EFCAB5: variants seen among roughly 807,000 people sequenced by gnomAD.
The protein encoded by EFCAB5 is EF-hand calcium binding domain 5.
Under a neutral mutation model 167.9 loss-of-function variants are expected in EFCAB5, and 131 were observed. That is an observed-to-expected ratio of 0.78 (90% CI 0.68 to 0.90). The LOEUF (loss-of-function observed/expected upper bound fraction) is 0.90, where lower values mean the gene tolerates loss of function less well. Among genes scored for constraint, EFCAB5 ranks in the 40% least tolerant of loss-of-function variants. The pLI is 0.00. For synonymous variants in EFCAB5, 574 were observed against 602.8 expected, an observed-to-expected ratio of 0.95 and a Z score of 0.70; for missense variants, 1,663 against 1,745.2, an observed-to-expected ratio of 0.95 and a Z score of 0.84.
In EFCAB5 at chr17:30,049,119, C is replaced by T. The variant is rs116724932; in HGVS notation, c.1201-1999C>T. ...ATTGGACTTGATGAGCTGAAAGCAG[C>T]ATTAGATACCTTGGTAAAGTAGCAT... On this transcript the variant is annotated intron_variant, in intron 8 of 22. Transcript: ENST00000394835. 6.3e-3 allele frequency among the ~76,000 whole-genome samples: 964 copies of T among 152,168 alleles called. 5 individuals are homozygous for T. Among genetic ancestry groups the T allele is most frequent in the African/African-American group, 0.022 (925 of 41,488 alleles).
At chr17:30,031,925 G>A (rs1394007054) in intron 7 of EFCAB5, 1 of 151,984 alleles carries the variant, frequency 6.6e-6, no homozygotes, top group Admixed American at 6.6e-5. Flanking sequence ...AGCAACTCAG[G>A]AGGCTGAGGT....
In EFCAB5 at chr17:29,965,599, C is replaced by T. The variant is rs531954124; in HGVS notation, c.191-3192C>T. On this transcript the variant is annotated intron_variant, in intron 3 of 22. Transcript: ENST00000394835. ...GTAAGGTAGGCATCCAGATTCATCC[C>T]TTTGCATGTAGATATCAGTTGTCAT... Among the ~76,000 whole-genome samples, 3 of 152,272 alleles carry T rather than the reference C, an allele frequency of 2.0e-5. No individual in the cohort carries two copies. The South Asian group carries it at 6.2e-4, about 32-fold the overall frequency.
chr17:30,075,715 C>G (rs556519861), intron 14 of EFCAB5, among the ~76,000 whole-genome samples: 1 of 152,176 alleles, frequency 6.6e-6, no homozygotes, highest in Non-Finnish European at 1.5e-5. Context: ...ACATGGATAC[C>G]CTCCTCGCTC....
At chr17:30,103,325 G>A (rs1201455422) in intron 22 of EFCAB5, among the ~76,000 whole-genome samples, 2 of 151,536 alleles carry the variant, frequency 1.3e-5, no homozygotes, top group Admixed American at 1.3e-4. Context: ...TATGAATTTT[G>A]TAAATATAAT....
intron 1 of EFCAB5, among the ~76,000 whole-genome samples, chr17:29,933,448 TGA>T (rs1306736228): frequency 6.6e-6 from 1 of 152,176 alleles, no homozygotes; most frequent in Non-Finnish European, 1.5e-5. Flanking sequence ...TCTGGTGAAC[TGA>T]GAGAGGAGAT....
At chr17:29,987,426 AAGTT>A (rs556528116) in intron 4 of EFCAB5, among the ~76,000 whole-genome samples, 51 of 152,210 alleles carry the variant, frequency 3.4e-4, no homozygotes, top group Non-Finnish European at 5.0e-4. Flanking sequence ...CCTCTACCCC[AAGTT>A]ATTATTTTAC....
At chr17:29,990,943 G>A (rs576721507) in intron 4 of EFCAB5, among the ~76,000 whole-genome samples, 2 of 152,302 alleles carry the variant, frequency 1.3e-5, no homozygotes, top group East Asian at 3.9e-4. Context: ...AGGGGGTGCA[G>A]AAGGGTAGGG....
At chr17:29,986,797 G>A (rs1054275631) in intron 4 of EFCAB5, among the ~76,000 whole-genome samples, 1 of 151,708 alleles carries the variant, frequency 6.6e-6, no homozygotes, top group South Asian at 2.1e-4. Flanking sequence ...ATAGGCACCC[G>A]CCACCTCGCC....
intron 3 of EFCAB5, among the ~76,000 whole-genome samples, chr17:29,959,833 G>A (rs1212410531): frequency 1.3e-5 from 2 of 152,106 alleles, no homozygotes; most frequent in Non-Finnish European, 2.9e-5. Context: ...GGCTGCCCTA[G>A]CTGGTGTCTC....
intron 3 of EFCAB5, among the ~76,000 whole-genome samples, chr17:29,943,972 C>T (rs2067345465): frequency 6.6e-6 from 1 of 151,928 alleles, no homozygotes; most frequent in Admixed American, 6.6e-5. Flanking sequence ...AACTCCATCT[C>T]AAAAAAATAA....
At chr17:30,055,413 A>G (rs2070231960) in intron 10 of EFCAB5, among the ~76,000 whole-genome samples, 1 of 152,172 alleles carries the variant, frequency 6.6e-6, no homozygotes, top group Non-Finnish European at 1.5e-5. Context: ...AAGGAAAGAA[A>G]GAAAATTGTA....
At chr17:30,023,722 CA>C (rs1466098980) in intron 7 of EFCAB5, among the ~76,000 whole-genome samples, 43 of 152,002 alleles carry the variant, frequency 2.8e-4, no homozygotes, top group Non-Finnish European at 5.4e-4. Context: ...GGCAGAGACA[CA>C]ACAAAAAAAG....
At chr17:29,979,656 T>C (rs1045773570) in intron 4 of EFCAB5, among the ~76,000 whole-genome samples, 2 of 152,194 alleles carry the variant, frequency 1.3e-5, no homozygotes, top group African/African-American at 4.8e-5. Context: ...TTTGTCACAG[T>C]TGGTCTGGAT....
At chr17:30,074,652 A>C (rs2070832301) in intron 14 of EFCAB5, 1 of 152,106 alleles carries the variant, frequency 6.6e-6, no homozygotes, top group South Asian at 2.1e-4. Context: ...ATATGTTTTC[A>C]TTTCTTATTA....
intron 14 of EFCAB5, chr17:30,069,664 C>T (rs2070678398): frequency 6.6e-7 from 1 of 1,514,826 alleles, no homozygotes; most frequent in Non-Finnish European, 9.1e-7. Context: ...GCACGAGAGT[C>T]TGCATGGGCG....
chr17:29,969,516 T>C (rs1043734857), intron 4 of EFCAB5, 149 bp downstream of exon 4: 5 of 697,878 alleles, frequency 7.2e-6, no homozygotes, highest in African/African-American at 5.4e-5. Flanking sequence ...TGTGCTTCAC[T>C]CTTTTTGAGG....
At chr17:30,042,980 T>G (rs1449051951) in intron 8 of EFCAB5, among the ~76,000 whole-genome samples, 1 of 152,062 alleles carries the variant, frequency 6.6e-6, no homozygotes, top group Non-Finnish European at 1.5e-5. Flanking sequence ...CAAGGGTGGT[T>G]TAACATTCAA....
intron 8 of EFCAB5, among the ~76,000 whole-genome samples, chr17:30,049,786 A>G (rs911683292): frequency 6.6e-6 from 1 of 152,210 alleles, no homozygotes; most frequent in Non-Finnish European, 1.5e-5. Context: ...ATTGGTATGA[A>G]CATTTTGTGA....
At chr17:30,010,910 G>T (rs1383430033) in intron 7 of EFCAB5, among the ~76,000 whole-genome samples, 1 of 152,156 alleles carries the variant, frequency 6.6e-6, no homozygotes, top group Admixed American at 6.5e-5. Context: ...TAATGCCTAG[G>T]TTTTCTTCTA....
Sources: allele counts gnomAD v4.1 joint callset (sites outside exome capture counted in the v4.1 genomes callset), GRCh38; gene constraint gnomAD v4.1.1; transcripts MANE v1.5; gene names NCBI Gene and HGNC (gene_info 2026-07-23, HGNC 2026-07-21).